ANKDD1A: variants seen among roughly 807,000 people sequenced by gnomAD.
ANKDD1A encodes the protein ankyrin repeat and death domain-containing protein 1A.
Under a neutral mutation model 63.5 loss-of-function variants are expected in ANKDD1A, and 59 were observed. The ratio of observed to expected loss-of-function variants is 0.93; its 90% confidence interval spans 0.75 to 1.15. ANKDD1A has a LOEUF of 1.15. Among genes scored for constraint, ANKDD1A ranks in the 50% most tolerant of loss-of-function variants. The pLI is 0.00. For missense variants in ANKDD1A, 632 were observed against 656.4 expected (o/e 0.96, Z 0.41); for synonymous variants, 266 against 263.9 (o/e 1.01, Z -0.08).
intron 6 of ANKDD1A, among the ~76,000 whole-genome samples, chr15:64,930,574 C>A (rs1024244492): frequency 1.2e-4 from 19 of 152,170 alleles, no homozygotes; most frequent in African/African-American, 3.9e-4. Flanking sequence ...TGAGGAGGGA[C>A]CGGCTTCAGA....
At chr15:64,925,674 G>A (rs995202664) in intron 4 of ANKDD1A, among the ~76,000 whole-genome samples, 11 of 152,192 alleles carry the variant, frequency 7.2e-5, no homozygotes, top group Non-Finnish European at 1.2e-4. Flanking sequence ...CGACCTCACC[G>A]TACATGTTTG....
intron 13 of ANKDD1A, among the ~76,000 whole-genome samples, chr15:64,948,331 A>G (rs1391899701): frequency 6.6e-6 from 1 of 152,248 alleles, no homozygotes; most frequent in Non-Finnish European, 1.5e-5. Context: ...TATCATATAA[A>G]TATCAGTTTT....
intron 14 of ANKDD1A, among the ~76,000 whole-genome samples, chr15:64,952,208 TCTTTC>T (rs1305603833): frequency 2.0e-5 from 3 of 149,476 alleles, no homozygotes; most frequent in Admixed American, 6.6e-5. Flanking sequence ...TCTTCTTTCC[TCTTTC>T]TTCTTCTTCC....
At chr15:64,915,634 C>A (rs1338053964) in intron 1 of ANKDD1A, among the ~76,000 whole-genome samples, 163 bp from the exon 2 acceptor site, 2 of 152,134 alleles carry the variant, frequency 1.3e-5, no homozygotes, top group African/African-American at 4.8e-5. Context: ...CTGGGGAGGA[C>A]CCTGACCTTG....
intron 9 of ANKDD1A, among the ~76,000 whole-genome samples, chr15:64,940,369 C>T (rs569677170): frequency 6.6e-6 from 1 of 151,878 alleles, no homozygotes; most frequent in East Asian, 1.9e-4. Context: ...ATCCTCTCCA[C>T]CATCCATGGT....
chr15:64,912,065 C>A, intron 1 of ANKDD1A, 101 bp downstream of exon 1: 1 of 1,143,760 alleles, frequency 8.7e-7, no homozygotes, highest in Non-Finnish European at 1.1e-6. Flanking sequence ...CTCCGAACGG[C>A]CACCTCCGTG....
chr15:64,951,028 G>C (rs2085265726), intron 14 of ANKDD1A: 1 of 1,265,928 alleles, frequency 7.9e-7, no homozygotes, highest in Non-Finnish European at 1.0e-6. Context: ...GGAGGGGCCA[G>C]ACCTTCAGGC....
intron 14 of ANKDD1A, chr15:64,951,336 C>CTTCTTTCCTA: frequency 1.5e-6 from 1 of 655,456 alleles, no homozygotes; most frequent in Non-Finnish European, 1.8e-6. Flanking sequence ...TCCTCTTTTT[C>CTTCTTTCCTA]TTTCTTCTTT....
intron 14 of ANKDD1A, among the ~76,000 whole-genome samples, chr15:64,954,157 T>G (rs559698673): frequency 6.7e-4 from 97 of 144,388 alleles, no homozygotes; most frequent in African/African-American, 2.3e-3. Context: ...TTCCTTATTA[T>G]TCTTTCTTCT....
rs374408787 is a variant in ANKDD1A, at chr15:64,930,893, C to A, written c.642C>A (p.Ile214=). The change falls in exon 7 of 15, where the codon ATC becomes ATA. Residue 214 remains isoleucine, a synonymous_variant. Transcript: ENST00000319580. ...HMAVLQRLVD[I]GLDLEEQNAE... The stretch of plus-strand genomic sequence containing the variant: ...CTGTGCTGCAGCGACTTGTGGACAT[C>A]GGGCTGGACCTGGAGGAGCAGAATG... 58 of 1,612,398 alleles carry A rather than the reference C, an allele frequency of 3.6e-5. No individual in the cohort carries two copies. The highest frequency in any genetic ancestry group is 4.7e-5 in the Non-Finnish European group (56 of 1,179,982).
intron 6 of ANKDD1A, among the ~76,000 whole-genome samples, chr15:64,927,929 C>T (rs1166548505): frequency 6.6e-6 from 1 of 152,092 alleles, no homozygotes; most frequent in African/African-American, 2.4e-5. Flanking sequence ...CTAAATGATG[C>T]CTCCAACAAA....
intron 6 of ANKDD1A, among the ~76,000 whole-genome samples, chr15:64,927,729 C>G (rs977712399): frequency 6.6e-6 from 1 of 151,842 alleles, no homozygotes; most frequent in African/African-American, 2.4e-5. Flanking sequence ...CTCAGCCTCC[C>G]GAATAGCTGG....
chr15:64,953,245 CTCCTCTT>C (rs1204337433), intron 14 of ANKDD1A, among the ~76,000 whole-genome samples: 1 of 139,274 alleles, frequency 7.2e-6, no homozygotes, highest in African/African-American at 2.7e-5. Flanking sequence ...TTCTTCTTTC[CTCCTCTT>C]TCTTCTTCTT....
At chr15:64,918,568 C>T (rs2084986736) in intron 3 of ANKDD1A, among the ~76,000 whole-genome samples, 1 of 152,188 alleles carries the variant, frequency 6.6e-6, no homozygotes, top group South Asian at 2.1e-4. Context: ...CAGAGACCCC[C>T]ACTATCACCA....
intron 9 of ANKDD1A, among the ~76,000 whole-genome samples, chr15:64,936,251 T>A (rs911230396): frequency 2.0e-5 from 3 of 152,082 alleles, no homozygotes; most frequent in African/African-American, 7.2e-5. Context: ...TTTAATGCCC[T>A]CCCATTTTCC....
intron 12 of ANKDD1A, 87 bp downstream of exon 12, chr15:64,944,834 A>T: frequency 7.5e-7 from 1 of 1,337,578 alleles, no homozygotes; most frequent in Non-Finnish European, 1.0e-6. Flanking sequence ...CCTAGGCCTG[A>T]CCAATTCTGG....
At chr15:64,920,048 C>A (rs2084997538) in intron 3 of ANKDD1A, 1 of 152,206 alleles carries the variant, frequency 6.6e-6, no homozygotes, top group Non-Finnish European at 1.5e-5. Flanking sequence ...CAGTTCCCTC[C>A]CTAAGAGGAA....
chr15:64,953,838 CTTCT>C (rs2085361296), intron 14 of ANKDD1A, among the ~76,000 whole-genome samples: 188 of 11,786 alleles, frequency 0.016, 1 homozygote, highest in Non-Finnish European at 0.053. Context: ...CTTCTTTCCT[CTTCT>C]TTTCTTCTTT....
At chr15:64,944,841 C>A in intron 12 of ANKDD1A, 94 bp downstream of exon 12, 2 of 1,225,556 alleles carry the variant, frequency 1.6e-6, no homozygotes, top group Non-Finnish European at 1.1e-6. Context: ...CTGACCAATT[C>A]TGGGTCCCTC....
Sources: gnomAD v4.1 joint callset for allele counts (sites outside exome capture counted in the v4.1 genomes callset) on GRCh38, gnomAD v4.1.1 for gene constraint, MANE v1.5 for transcripts, NCBI Gene and HGNC (gene_info 2026-07-23, HGNC 2026-07-21) for gene names.